DENND2A: variants seen among roughly 807,000 people sequenced by gnomAD.
DENND2A encodes DENN domain-containing protein 2A.
A neutral mutation model predicts 105.3 loss-of-function variants in DENND2A; 53 were observed. The ratio of observed to expected loss-of-function variants is 0.50; its 90% confidence interval spans 0.40 to 0.63. The LOEUF (loss-of-function observed/expected upper bound fraction) is 0.63. DENND2A is among the 30% of genes least tolerant of loss of function. The pLI, the probability that DENND2A is intolerant of heterozygous loss-of-function variation, is 0.00. For synonymous variants in DENND2A, 522 were observed against 508.4 expected, an observed-to-expected ratio of 1.03 and a Z score of -0.36; for missense variants, 1,138 against 1,279.6, an observed-to-expected ratio of 0.89 and a Z score of 1.69.
At chr7:140,572,726 C>CT (rs1482047646) in intron 6 of DENND2A, among the ~76,000 whole-genome samples, 3 of 134,014 alleles carry the variant, frequency 2.2e-5, no homozygotes, top group Non-Finnish European at 4.6e-5. Flanking sequence ...TGTACTCCAG[C>CT]TTGGGCAACA....
In DENND2A at chr7:140,527,320, C is replaced by A; in HGVS notation, c.2503G>T (p.Glu835Ter). Reference sequence around the variant, plus strand: ...GACAGGGCTGAGTGGGAGCTCACCTCTTCCAGCGGCAGCTCCCTGAGCAGT... The same window carrying A: ...GACAGGGCTGAGTGGGAGCTCACCTATTCCAGCGGCAGCTCCCTGAGCAGT... ...LPLLRELPLEEVLVVDLVNSR... is the reference protein window; with the variant it reads ...LPLLRELPLE The change falls in exon 15 of 20, where the codon GAG becomes TAG. Residue 835 changes from glutamate (E) to a stop codon, truncating the protein, a stop_gained and splice_region_variant. Transcript: ENST00000496613. LOFTEE classifies it high-confidence loss of function. The surrounding 1 kb of genome is among the most constrained non-coding windows in gnomAD (Gnocchi z 4.9). The A allele has an allele frequency of 6.3e-7, 1 of 1,581,438 alleles. No individual in the cohort carries two copies. The highest frequency in any genetic ancestry group is 8.6e-7 in the Non-Finnish European group (1 of 1,165,040).
At chr7:140,557,626 G>A (rs1339776986) in intron 11 of DENND2A, among the ~76,000 whole-genome samples, 1 of 125,078 alleles carries the variant, frequency 8.0e-6, no homozygotes, top group Non-Finnish European at 1.6e-5. Flanking sequence ...TGCAAGCTCC[G>A]CCTCCCGGGT....
Position 140,635,718 on chromosome 7 carries a change from G to C in DENND2A, c.-248+4786C>G, listed in dbSNP as rs183365249. On this transcript the variant is annotated intron_variant, in intron 1 of 19. Coordinates refer to ENST00000496613, the MANE Select transcript of DENND2A (RefSeq NM_015689.5). ...ATAGTTCAGCCAGTTGGAAGAGTGG[G>C]TCTCAGGCTTATCTGTTCTTTAGCC... 5.9e-5 allele frequency among the ~76,000 whole-genome samples: 9 copies of C among 152,298 alleles called. No homozygotes were observed. The East Asian group carries it at 1.7e-3, about 29-fold the overall frequency.
chr7:140,582,995 T>G (rs1798604491), intron 5 of DENND2A, among the ~76,000 whole-genome samples: 1 of 152,104 alleles, frequency 6.6e-6, no homozygotes, highest in South Asian at 2.1e-4. Flanking sequence ...GGGAGATGTT[T>G]TTAAGATATA....
At position 140,523,856 on chromosome 7, in the gene DENND2A, A is replaced by C; in HGVS notation, c.2548-432T>G. ...CCAAAGTGCTGGGATTACAGGCGTG[A>C]GCCACTGCACCTGGCCGAGCCTACT... On this transcript the variant is annotated intron_variant, in intron 16 of 19. Transcript: ENST00000496613. The surrounding 1 kb of genome is among the most constrained non-coding windows in gnomAD (Gnocchi z 4.5). Among the ~76,000 whole-genome samples, 1 of 151,908 alleles carries C rather than the reference A, an allele frequency of 6.6e-6. No homozygotes were observed. The highest frequency in any genetic ancestry group is 1.9e-4 in the East Asian group (1 of 5,198).
chr7:140,583,911 G>A (rs529153887), intron 5 of DENND2A, among the ~76,000 whole-genome samples: 1 of 137,068 alleles, frequency 7.3e-6, no homozygotes, highest in African/African-American at 3.1e-5. Context: ...GGGCGACAGA[G>A]CAAGACTCCG....
At chr7:140,590,877 G>GAATAATAATAATAATAATAATAAT (rs145861724) in intron 3 of DENND2A, among the ~76,000 whole-genome samples, 3 of 141,072 alleles carry the variant, frequency 2.1e-5, no homozygotes, top group African/African-American at 8.8e-5. Context: ...TGTTTCTGGG[G>GAATAATAATAATAATAATAATAAT]AATAATAATA....
intron 1 of DENND2A, among the ~76,000 whole-genome samples, chr7:140,611,437 G>T (rs964654257): frequency 6.6e-6 from 1 of 152,142 alleles, no homozygotes; most frequent in Non-Finnish European, 1.5e-5. Flanking sequence ...TACGCAGGAG[G>T]CTTAGGGGGA....
At chr7:140,589,444 G>A (rs1294258457) in intron 3 of DENND2A, among the ~76,000 whole-genome samples, 1 of 152,160 alleles carries the variant, frequency 6.6e-6, no homozygotes, top group African/African-American at 2.4e-5. Flanking sequence ...CAGGGAAAAG[G>A]GGGACAGGAA....
chr7:140,562,457 C>G (rs536766935), intron 9 of DENND2A, among the ~76,000 whole-genome samples: 3 of 151,848 alleles, frequency 2.0e-5, no homozygotes, highest in Non-Finnish European at 4.4e-5. Flanking sequence ...GTCTGGAGAT[C>G]GAGACCATCC....
Position 140,568,615 on chromosome 7 carries a change from C to A in DENND2A, c.1591+148G>T, listed in dbSNP as rs1797966740. On this transcript the variant is annotated intron_variant, in intron 8 of 19. Coordinates refer to ENST00000496613, the MANE Select transcript of DENND2A (RefSeq NM_015689.5). ...CCATGACGGACCGGCTCTGGAGCAC[C>A]CTGTGGCCCCACTGTCTCCCGAGAT... 14 of 754,698 alleles carry A rather than the reference C, an allele frequency of 1.9e-5. 1 individual carries two copies. The South Asian group carries it at 2.2e-4, about 12-fold the overall frequency. The allele number at this position is 754,698 out of a possible 1,614,324, so 46.8% of individuals were successfully genotyped here.
chr7:140,563,676 TAAAAAAAA>T (rs139848094), intron 9 of DENND2A, among the ~76,000 whole-genome samples: 5 of 29,210 alleles, frequency 1.7e-4, no homozygotes, highest in African/African-American at 3.3e-4. Flanking sequence ...ACCATTGCAT[TAAAAAAAA>T]AAAAAAAAAA....
At chr7:140,635,894 C>T (rs1400049918) in intron 1 of DENND2A, among the ~76,000 whole-genome samples, 1 of 152,178 alleles carries the variant, frequency 6.6e-6, no homozygotes, top group East Asian at 1.9e-4. Flanking sequence ...GATTTTAAGG[C>T]CAGGGTAAAG....
At chr7:140,604,829 A>C (rs1483380179) in intron 2 of DENND2A, among the ~76,000 whole-genome samples, 1 of 152,200 alleles carries the variant, frequency 6.6e-6, no homozygotes, top group African/African-American at 2.4e-5. Flanking sequence ...TATATTGTTT[A>C]CTGTGCCTGG....
intron 8 of DENND2A, among the ~76,000 whole-genome samples, chr7:140,568,510 GA>G (rs1160346202): frequency 1.3e-5 from 2 of 152,184 alleles, no homozygotes; most frequent in Non-Finnish European, 2.9e-5. Flanking sequence ...AGGACATAGG[GA>G]GAGGCATGGG....
rs368908596 is a variant in DENND2A, at chr7:140,586,289, G to C, written c.1124-579C>G. 8.2e-4 allele frequency among the ~76,000 whole-genome samples: 124 copies of C among 152,016 alleles called. 4 individuals carry two copies. In the South Asian group the frequency reaches 0.022, roughly 27 times the overall value. On this transcript the variant is annotated intron_variant, in intron 4 of 19. Transcript: ENST00000496613. ...ATCCCAGGACTTTGGGAGGCCGAAG[G>C]GGGTGGATCACTTGAGCCCAGGAGT...
At chr7:140,532,912 T>C (rs1193134789) in intron 14 of DENND2A, among the ~76,000 whole-genome samples, 1 of 152,088 alleles carries the variant, frequency 6.6e-6, no homozygotes, top group Non-Finnish European at 1.5e-5. Flanking sequence ...TGTGTGTTTT[T>C]TTTCCCAATC....
chr7:140,518,842 G>A (rs1019474599), intron 19 of DENND2A, 104 bp from the exon 20 acceptor site: 21 of 991,720 alleles, frequency 2.1e-5, no homozygotes, highest in South Asian at 1.2e-4. Context: ...GGGCCCCCAC[G>A]CCACCCCAGG....
At chr7:140,587,823 C>G in intron 3 of DENND2A, 43 bp from the exon 4 acceptor site, 1 of 1,510,744 alleles carries the variant, frequency 6.6e-7, no homozygotes, top group Non-Finnish European at 8.9e-7. Context: ...GAATTTGAAT[C>G]AAATTAGGCT....
Sources: allele counts gnomAD v4.1 joint callset (sites outside exome capture counted in the v4.1 genomes callset), GRCh38; gene constraint gnomAD v4.1.1; non-coding constraint Gnocchi (gnomAD v3.1); transcripts MANE v1.5; gene names NCBI Gene and HGNC (gene_info 2026-07-23, HGNC 2026-07-21).